The following SLCO3A1 variants were observed in gnomAD, a reference collection of about 807,000 sequenced individuals.
The protein encoded by SLCO3A1 is PGE1 transporter.
SLCO3A1 carries 27 observed loss-of-function variants against 63.1 expected under a neutral mutation model. The observed-to-expected ratio is 0.43, with a 90% confidence interval of 0.32 to 0.59. SLCO3A1 has a LOEUF of 0.59. Among genes scored for constraint, SLCO3A1 ranks in the 20% least tolerant of loss-of-function variants. SLCO3A1 has a pLI of 0.09. For missense variants in SLCO3A1, 773 were observed against 945.8 expected, an observed-to-expected ratio of 0.82 and a Z score of 2.40; for synonymous variants, 473 against 409.9, an observed-to-expected ratio of 1.15 and a Z score of -1.86.
At chr15:92,092,650 G>A (rs1476234421) in intron 2 of SLCO3A1, among the ~76,000 whole-genome samples, 7 of 152,042 alleles carry the variant, frequency 4.6e-5, no homozygotes, top group African/African-American at 1.7e-4. Flanking sequence ...TGTTCTCCAT[G>A]CCCTCTACTT....
At chr15:91,936,816 C>T (rs1899429190) in intron 2 of SLCO3A1, among the ~76,000 whole-genome samples, 1 of 152,172 alleles carries the variant, frequency 6.6e-6, no homozygotes, top group South Asian at 2.1e-4. Context: ...TGTATTTCCT[C>T]CATTGCTTTA....
At chr15:92,039,377 GA>G (rs905919204) in intron 2 of SLCO3A1, among the ~76,000 whole-genome samples, 5 of 151,810 alleles carry the variant, frequency 3.3e-5, no homozygotes, top group Admixed American at 2.0e-4. Flanking sequence ...AAATTTACAA[GA>G]AAAAAAGAAC....
intron 7 of SLCO3A1, among the ~76,000 whole-genome samples, chr15:92,135,215 T>C (rs2048042440): frequency 6.6e-6 from 1 of 152,184 alleles, no homozygotes; most frequent in Non-Finnish European, 1.5e-5. Context: ...GTTGCAGTCA[T>C]GCCTTTCACC....
In SLCO3A1 at chr15:92,127,768, A is replaced by G. The variant is rs117311023; in HGVS notation, c.1374-583A>G. 4.2e-3 allele frequency among the ~76,000 whole-genome samples: 639 copies of G among 152,326 alleles called. 6 individuals are homozygous for G. The highest frequency in any genetic ancestry group is 7.0e-3 in the Non-Finnish European group (473 of 68,028). ...AGTGTTATTTTTCTCAGGACATTGA[A>G]TCAATTAGACAATAATTATTGAAGT... On this transcript the variant is annotated intron_variant, in intron 6 of 9. Transcript: ENST00000318445.
intron 7 of SLCO3A1, among the ~76,000 whole-genome samples, chr15:92,141,008 TC>T (rs2048124629): frequency 6.6e-6 from 1 of 152,228 alleles, no homozygotes; most frequent in African/African-American, 2.4e-5. Context: ...TTGGATATGT[TC>T]TCGTAGAACG....
At chr15:92,070,078 A>T (rs940971388) in intron 2 of SLCO3A1, among the ~76,000 whole-genome samples, 3 of 152,190 alleles carry the variant, frequency 2.0e-5, no homozygotes, top group Admixed American at 1.3e-4. Flanking sequence ...CATTCTCCCA[A>T]AGAGGCGGAG....
rs551568501 is a variant in SLCO3A1, at chr15:91,915,976, C to T, written c.181-17C>T. ...TCTTCTTGGATTGGCTCTGACCTTT[C>T]TTCTTGCCCCCCTCAGGTGAGCGTC... On this transcript the variant is annotated splice_polypyrimidine_tract_variant and intron_variant, in intron 1 of 9. Transcript: ENST00000318445. 1.1e-5 allele frequency: 18 copies of T among 1,601,466 alleles called. No homozygotes were observed. Among genetic ancestry groups the T allele is most frequent in the Non-Finnish European group, 1.4e-5 (17 of 1,172,524 alleles).
chr15:91,966,446 A>G (rs925623074), intron 2 of SLCO3A1, among the ~76,000 whole-genome samples: 1 of 152,150 alleles, frequency 6.6e-6, no homozygotes, highest in African/African-American at 2.4e-5. Flanking sequence ...TCTGAGGAAG[A>G]TGTTTTTCCC....
At chr15:92,070,051 G>C (rs758051750) in intron 2 of SLCO3A1, among the ~76,000 whole-genome samples, 1 of 152,222 alleles carries the variant, frequency 6.6e-6, no homozygotes, top group Non-Finnish European at 1.5e-5. Context: ...GTTCAGAACC[G>C]ACTGCTTCAA....
chr15:91,897,443 T>C lies in SLCO3A1; in HGVS notation c.181-18550T>C, dbSNP rs1898034734. Among the ~76,000 whole-genome samples the C allele has an allele frequency of 6.6e-6, 1 of 151,878 alleles. No homozygotes were observed. The highest frequency in any genetic ancestry group is 1.5e-5 in the Non-Finnish European group (1 of 68,032). On this transcript the variant is annotated intron_variant, in intron 1 of 9. Transcript: ENST00000318445. This position sits in a 1 kb window ranked among gnomAD's most constrained non-coding sequence, Gnocchi z 4.7. ...TCCAGCCTGGGCAATGGAGCGAGAC[T>C]CTGTCTAAAAACAAACAAACAAACA...
chr15:91,879,888 G>A (rs1221402328), intron 1 of SLCO3A1, among the ~76,000 whole-genome samples: 2 of 152,158 alleles, frequency 1.3e-5, no homozygotes, highest in African/African-American at 4.8e-5. Flanking sequence ...CGAAGCTCCA[G>A]ACAGAGATTT....
chr15:91,915,945 TG>T (rs749057310), intron 1 of SLCO3A1, 47 bp from the exon 2 acceptor site: 2 of 1,502,766 alleles, frequency 1.3e-6, no homozygotes, highest in Non-Finnish European at 9.2e-7. Context: ...AGAGGCTTCC[TG>T]GGCATCTTCT....
intron 7 of SLCO3A1, among the ~76,000 whole-genome samples, chr15:92,140,806 G>A (rs986375058): frequency 2.0e-5 from 3 of 152,116 alleles, no homozygotes; most frequent in Non-Finnish European, 4.4e-5. Flanking sequence ...TGCAACCTCT[G>A]CCTTTTTTTG....
At chr15:92,170,401 C>T (rs2048514993), downstream of SLCO3A1, among the ~76,000 whole-genome samples, 1 of 152,202 alleles carries the variant, frequency 6.6e-6, no homozygotes, top group East Asian at 1.9e-4. Flanking sequence ...CAGCAGCCTT[C>T]TCACACCAGC....
At chr15:92,046,034 T>C (rs548411649) in intron 2 of SLCO3A1, among the ~76,000 whole-genome samples, 1 of 152,298 alleles carries the variant, frequency 6.6e-6, no homozygotes, top group South Asian at 2.1e-4. Flanking sequence ...TTTATTACCA[T>C]TTTCCAACTG....
chr15:92,130,125 A>C (rs576366008), intron 7 of SLCO3A1, among the ~76,000 whole-genome samples: 1 of 152,250 alleles, frequency 6.6e-6, no homozygotes, highest in African/African-American at 2.4e-5. Flanking sequence ...CCTGAGACCA[A>C]ATGAGTCTCT....
chr15:91,972,013 G>A (rs1043844428), intron 2 of SLCO3A1, among the ~76,000 whole-genome samples: 2 of 151,956 alleles, frequency 1.3e-5, no homozygotes, highest in South Asian at 2.1e-4. Flanking sequence ...TCATGTTGGC[G>A]CTCAAAAAAC....
intron 2 of SLCO3A1, among the ~76,000 whole-genome samples, chr15:92,029,456 C>T (rs573984706): frequency 1.1e-4 from 17 of 152,194 alleles, no homozygotes; most frequent in Non-Finnish European, 2.1e-4. Context: ...CTCTCCGTTC[C>T]GCATCTTTTA....
intron 5 of SLCO3A1, among the ~76,000 whole-genome samples, chr15:92,123,427 TAAATA>T (rs1236515975): frequency 1.3e-5 from 2 of 151,706 alleles, no homozygotes; most frequent in Non-Finnish European, 2.9e-5. Flanking sequence ...AATAAATAAA[TAAATA>T]AAATAAAATG....
Sources: gnomAD v4.1 joint callset for allele counts (sites outside exome capture counted in the v4.1 genomes callset) on GRCh38, gnomAD v4.1.1 for gene constraint, Gnocchi (gnomAD v3.1) non-coding constraint, MANE v1.5 for transcripts, NCBI Gene and HGNC (gene_info 2026-07-23, HGNC 2026-07-21) for gene names.